The following LIPC variants were observed in gnomAD, a reference collection of about 807,000 sequenced individuals.
LIPC encodes hepatic triacylglycerol lipase.
A neutral mutation model predicts 50.7 loss-of-function variants in LIPC; 44 were observed. The ratio of observed to expected loss-of-function variants is 0.87; its 90% CI spans 0.68 to 1.11. The LOEUF (loss-of-function observed/expected upper bound fraction) is 1.11, where lower values mean the gene tolerates loss of function less well. Ranked by LOEUF, LIPC falls within the 50% of genes most tolerant of loss-of-function variation. The pLI is 0.00. For synonymous variants in LIPC, 271 were observed against 256.4 expected, an observed-to-expected ratio of 1.06 and a Z score of -0.54; for missense variants, 697 against 648.2, an observed-to-expected ratio of 1.08 and a Z score of -0.82.
intron 1 of LIPC, among the ~76,000 whole-genome samples, chr15:58,517,732 A>G (rs570466099): frequency 6.6e-6 from 1 of 152,370 alleles, no homozygotes; most frequent in East Asian, 1.9e-4. Context: ...AAACACCCAT[A>G]TAAGCTTGAT....
chr15:58,440,321 G>A (rs1893461038), intron 1 of LIPC, among the ~76,000 whole-genome samples: 1 of 152,148 alleles, frequency 6.6e-6, no homozygotes, highest in African/African-American at 2.4e-5. Context: ...CAGAGCCTAT[G>A]GGTTATCCGT....
chr15:58,565,485 G>T (rs1289233114), intron 8 of LIPC: 1 of 1,395,346 alleles, frequency 7.2e-7, no homozygotes, highest in East Asian at 2.6e-5. Flanking sequence ...CCCACACGGG[G>T]TGAGCATTGA....
chr15:58,535,900 A>G (rs1423800008), intron 1 of LIPC, among the ~76,000 whole-genome samples: 1 of 152,218 alleles, frequency 6.6e-6, no homozygotes, highest in Non-Finnish European at 1.5e-5. Context: ...AATGAGCTAC[A>G]TTAGGTCCAA....
chr15:58,440,238 C>T (rs983099109), intron 1 of LIPC, among the ~76,000 whole-genome samples: 2 of 152,180 alleles, frequency 1.3e-5, no homozygotes, highest in African/African-American at 2.4e-5. Context: ...CCACCCTGAG[C>T]GGCTCCTTGG....
Position 58,519,174 on chromosome 15 carries a change from C to T in LIPC, c.89-19159C>T, listed in dbSNP as rs368290012. Among the ~76,000 whole-genome samples, 21 of 152,064 alleles carry T rather than the reference C, an allele frequency of 1.4e-4. No individual in the cohort carries two copies. The South Asian group carries it at 2.1e-3, about 15-fold the overall frequency. ...CTGTAATCCCAGAACTTCAGGAGGC[C>T]GAGGCAGGCAGATCACGAGGTCAGG... On this transcript the variant is annotated intron_variant, in intron 1 of 8. Transcript: ENST00000299022.
intron 1 of LIPC, chr15:58,436,419 A>C (rs1893298214): frequency 4.1e-6 from 1 of 246,350 alleles, no homozygotes. Context: ...CTTGTTTGAT[A>C]GGTAAAAATT....
chr15:58,493,666 T>A (rs1595894745), intron 1 of LIPC, among the ~76,000 whole-genome samples: 2 of 147,566 alleles, frequency 1.4e-5, no homozygotes, highest in South Asian at 4.2e-4. Context: ...ATAAAATTTA[T>A]ACAAAATTTA....
intron 1 of LIPC, among the ~76,000 whole-genome samples, chr15:58,511,593 G>T (rs1892332086): frequency 6.6e-6 from 1 of 152,270 alleles, no homozygotes; most frequent in South Asian, 2.1e-4. Context: ...GCACCCTGCT[G>T]GTTTGCATGA....
intron 1 of LIPC, among the ~76,000 whole-genome samples, chr15:58,457,069 G>A (rs1894150775): frequency 1.3e-5 from 2 of 152,162 alleles, no homozygotes; most frequent in South Asian, 4.1e-4. Flanking sequence ...AAACAGCACT[G>A]GGCGATGTGG....
At chr15:58,460,842 G>A (rs552435573) in intron 1 of LIPC, among the ~76,000 whole-genome samples, 5 of 152,338 alleles carry the variant, frequency 3.3e-5, no homozygotes, top group Middle Eastern at 3.4e-3. Context: ...GGCAGGTGGC[G>A]TAGTCCCATG....
chr15:58,436,657 T>A (rs1455633178), intron 1 of LIPC: 11 of 451,836 alleles, frequency 2.4e-5, no homozygotes, highest in South Asian at 4.7e-5. Flanking sequence ...TACCACTGAG[T>A]CACATATGTA....
At chr15:58,502,325 C>T (rs1037566494) in intron 1 of LIPC, among the ~76,000 whole-genome samples, 1 of 152,146 alleles carries the variant, frequency 6.6e-6, no homozygotes, top group Admixed American at 6.5e-5. Context: ...CCCACCCTCC[C>T]CACCAGATTG....
intron 1 of LIPC, among the ~76,000 whole-genome samples, chr15:58,439,587 A>T (rs1375165901): frequency 6.6e-6 from 1 of 152,118 alleles, no homozygotes; most frequent in African/African-American, 2.4e-5. Flanking sequence ...GCGATTACAG[A>T]CACACAACAC....
chr15:58,568,742 A>T lies in LIPC; in HGVS notation c.1415A>T (p.Asp472Val), dbSNP rs34596532. 628 of 1,609,156 alleles carry T rather than the reference A, an allele frequency of 3.9e-4. 4 individuals carry two copies. The highest frequency in any genetic ancestry group is 1.6e-4 in the Middle Eastern group (1 of 6,078). ...QRMTFCSENT[D>V]DLLLRPTQEK... is the part of the protein sequence containing the mutation. ...ATGACATTTTGTTCAGAAAACACAG[A>T]TGACCTACTACTTCGCCCAACCCAG... The change falls in exon 9 of 9, where the codon GAT (aspartate) becomes GTT (valine). Residue 472 changes from aspartate to valine, a missense_variant. By Grantham distance (152) the Asp-to-Val change is radical (BLOSUM62 -3). Transcript: ENST00000299022.
chr15:58,561,998 A>G (rs1257302354), intron 7 of LIPC, among the ~76,000 whole-genome samples: 2 of 152,240 alleles, frequency 1.3e-5, no homozygotes, highest in Non-Finnish European at 2.9e-5. Flanking sequence ...TTTAAGCACC[A>G]ATCACATACA....
chr15:58,564,018 G>A, intron 8 of LIPC: 1 of 457,594 alleles, frequency 2.2e-6, no homozygotes, highest in Non-Finnish European at 4.1e-6. Context: ...GGCTTCTCAA[G>A]CTTCGGTGCA....
intron 6 of LIPC, among the ~76,000 whole-genome samples, chr15:58,558,106 C>G (rs1396663828): frequency 6.6e-6 from 1 of 151,682 alleles, no homozygotes; most frequent in Non-Finnish European, 1.5e-5. Context: ...CAGACTCTTG[C>G]CCTGTCACCA....
chr15:58,498,526 G>A (rs1227536274), intron 1 of LIPC: 1 of 152,054 alleles, frequency 6.6e-6, no homozygotes, highest in African/African-American at 2.4e-5. Context: ...TACACAAACA[G>A]GGTGCAGTAT....
chr15:58,462,195 G>C (rs1894376344), intron 1 of LIPC, among the ~76,000 whole-genome samples: 1 of 152,162 alleles, frequency 6.6e-6, no homozygotes, highest in African/African-American at 2.4e-5. Flanking sequence ...CTTCCCTATA[G>C]GATCGTGAGT....
Sources: allele counts gnomAD v4.1 joint callset (sites outside exome capture counted in the v4.1 genomes callset), GRCh38; gene constraint gnomAD v4.1.1; transcripts MANE v1.5; gene names NCBI Gene and HGNC (gene_info 2026-07-23, HGNC 2026-07-21).